The following SMOC1 variants were observed in gnomAD, a reference collection of about 807,000 sequenced individuals.
SMOC1 encodes the protein SPARC related modular calcium binding 1, also known as SPARC-related modular calcium-binding protein 1.
Under a neutral mutation model 56.3 loss-of-function variants are expected in SMOC1, and 22 were observed. The ratio of observed to expected loss-of-function variants is 0.39; its 90% CI spans 0.28 to 0.56. SMOC1 has a LOEUF of 0.56. SMOC1 is among the 20% of genes least tolerant of loss of function. The pLI, the probability that SMOC1 is intolerant of heterozygous loss-of-function variation, is 0.61. For synonymous variants in SMOC1, 193 were observed against 215.0 expected, an observed-to-expected ratio of 0.90 and a Z score of 0.89; for missense variants, 509 against 565.4, an observed-to-expected ratio of 0.90 and a Z score of 1.01.
chr14:70,015,947 AG>A (rs1247754382), intron 10 of SMOC1, among the ~76,000 whole-genome samples: 1 of 152,230 alleles, frequency 6.6e-6, no homozygotes, highest in Non-Finnish European at 1.5e-5. Flanking sequence ...AGGAAAAAAA[AG>A]GAGGTCCGTG....
rs531768521 is a variant in SMOC1 at position 69,879,427 on chromosome 14, C to T, written c.-252C>T. On this transcript the variant is annotated 5_prime_UTR_variant, in exon 1 of 12. Coordinates refer to ENST00000361956, the MANE Select transcript of SMOC1 (RefSeq NM_001034852.3). ...CATGGCCCGGGCTCAGGCGTCCAAC[C>T]TGCTGCCGCCTGGGCCCCGCCGAGC... is the stretch of plus-strand genomic sequence containing the variant. 1.3e-3 allele frequency: 478 copies of T among 378,212 alleles called. 2 individuals are homozygous for T. Among genetic ancestry groups the T allele is most frequent in the Middle Eastern group, 6.9e-3 (10 of 1,450 alleles). The allele number at this position is 378,212 out of a possible 1,614,324, so 23.4% of individuals were successfully genotyped here. A position where few individuals can be genotyped will look rare whatever the true frequency, so the allele number is the denominator to read the frequency against.
At chr14:70,020,784 A>C (rs1188373989) in intron 10 of SMOC1, among the ~76,000 whole-genome samples, 1 of 152,160 alleles carries the variant, frequency 6.6e-6, no homozygotes, top group Non-Finnish European at 1.5e-5. Flanking sequence ...AAAGGCAGGG[A>C]AAGGGGCAGG....
chr14:69,932,344 G>T (rs544983771), intron 1 of SMOC1, among the ~76,000 whole-genome samples: 2 of 152,326 alleles, frequency 1.3e-5, no homozygotes, highest in African/African-American at 4.8e-5. Context: ...TACAGGTGAT[G>T]AGCTTCCTCT....
chr14:70,002,043 A>C (rs768729513), intron 7 of SMOC1, among the ~76,000 whole-genome samples: 1 of 152,118 alleles, frequency 6.6e-6, no homozygotes, highest in East Asian at 1.9e-4. Context: ...GTATTCCCTC[A>C]TCCCCTACCT....
intron 1 of SMOC1, among the ~76,000 whole-genome samples, chr14:69,910,980 G>A (rs1884542054): frequency 6.6e-6 from 1 of 152,158 alleles, no homozygotes; most frequent in Admixed American, 6.5e-5. Flanking sequence ...ACATTGAACT[G>A]TATCCAGACT....
chr14:69,994,495 T>C lies in SMOC1; in HGVS notation c.664+15T>C. The C allele has an allele frequency of 6.3e-7, 1 of 1,592,654 alleles. No individual in the cohort carries two copies. ...AAGAAATTCAGGTAAATAACCTTCC[T>C]TGGATTATATATGTACCCAGTCCAT... On this transcript the variant is annotated intron_variant, in intron 7 of 11. Coordinates refer to ENST00000361956, the MANE Select transcript of SMOC1 (RefSeq NM_001034852.3).
Position 69,943,162 on chromosome 14 carries a change from G to A in SMOC1, c.100-8976G>A, listed in dbSNP as rs563639970. 7.3e-3 allele frequency among the ~76,000 whole-genome samples: 1,113 copies of A among 152,304 alleles called. 6 individuals are homozygous for A. The highest frequency in any genetic ancestry group is 0.012 in the Non-Finnish European group (811 of 68,014). On this transcript the variant is annotated intron_variant, in intron 1 of 11. Coordinates refer to ENST00000361956, the MANE Select transcript of SMOC1 (RefSeq NM_001034852.3). ...GGCTCCAGCTGCCCAACAGCTGGAG[G>A]GGGTGTCTGCTTTCCCTCAGCAGCG...
At chr14:69,949,025 T>G (rs1882897232) in intron 1 of SMOC1, among the ~76,000 whole-genome samples, 1 of 152,222 alleles carries the variant, frequency 6.6e-6, no homozygotes, top group African/African-American at 2.4e-5. Flanking sequence ...CAAAAACTGT[T>G]GACCAAGCAC....
intron 3 of SMOC1, among the ~76,000 whole-genome samples, chr14:69,957,867 T>C (rs963652655): frequency 6.6e-6 from 1 of 152,196 alleles, no homozygotes; most frequent in African/African-American, 2.4e-5. Flanking sequence ...TATTGTGGGC[T>C]GTGTGCTGGT....
At chr14:69,970,364 T>C (rs1001504017) in intron 3 of SMOC1, among the ~76,000 whole-genome samples, 21 of 152,210 alleles carry the variant, frequency 1.4e-4, no homozygotes, top group African/African-American at 5.1e-4. Context: ...GGCCTCAGTT[T>C]CCTCATTTTT....
chr14:69,906,328 C>G (rs1884406706), intron 1 of SMOC1, among the ~76,000 whole-genome samples: 1 of 152,220 alleles, frequency 6.6e-6, no homozygotes, highest in Non-Finnish European at 1.5e-5. Flanking sequence ...CCCTGAGCCA[C>G]TATGTAAGAA....
intron 3 of SMOC1, among the ~76,000 whole-genome samples, chr14:69,968,856 GTTCATGAT>G (rs1388160673): frequency 6.6e-6 from 1 of 152,184 alleles, no homozygotes; most frequent in Non-Finnish European, 1.5e-5. Context: ...ATTGCATATG[GTTCATGAT>G]TTCTATTTTG....
intron 1 of SMOC1, among the ~76,000 whole-genome samples, chr14:69,902,783 G>A (rs34045839): frequency 0.67 from 101,393 of 151,706 alleles, 38,542 homozygotes; most frequent in East Asian, 0.91. Context: ...CGCCTGACTG[G>A]TTTTCGTATT....
chr14:69,893,745 G>A (rs536722148), intron 1 of SMOC1, among the ~76,000 whole-genome samples: 2 of 152,312 alleles, frequency 1.3e-5, no homozygotes, highest in African/African-American at 4.8e-5. Context: ...TAAGACAGGT[G>A]CCATGGGCTG....
intron 1 of SMOC1, among the ~76,000 whole-genome samples, chr14:69,922,959 T>G (rs1263540630): frequency 6.6e-6 from 1 of 151,534 alleles, no homozygotes; most frequent in East Asian, 1.9e-4. Context: ...TGTTTTTTGT[T>G]TTTTAGATGG....
intron 1 of SMOC1, among the ~76,000 whole-genome samples, chr14:69,943,012 G>C (rs902498242): frequency 1.3e-5 from 2 of 152,138 alleles, no homozygotes; most frequent in African/African-American, 4.8e-5. Flanking sequence ...TGCTGGTGGT[G>C]GGGGGCACAG....
intron 3 of SMOC1, among the ~76,000 whole-genome samples, chr14:69,955,570 A>G (rs1883152961): frequency 6.6e-6 from 1 of 152,068 alleles, no homozygotes; most frequent in Non-Finnish European, 1.5e-5. Context: ...CACATGAAAC[A>G]CTTGGAACTC....
intron 1 of SMOC1, among the ~76,000 whole-genome samples, chr14:69,906,995 GA>G (rs1172997690): frequency 5.3e-5 from 8 of 152,174 alleles, no homozygotes; most frequent in Non-Finnish European, 1.0e-4. Flanking sequence ...GATGCAGCAG[GA>G]AAAAATTACT....
chr14:69,921,099 G>A (rs757922569), intron 1 of SMOC1, among the ~76,000 whole-genome samples: 135 of 152,288 alleles, frequency 8.9e-4, no homozygotes, highest in Admixed American at 1.4e-3. Flanking sequence ...CACCTGGGCC[G>A]CGAACCTTCT....
Sources: gnomAD v4.1 joint callset for allele counts (sites outside exome capture counted in the v4.1 genomes callset) on GRCh38, gnomAD v4.1.1 for gene constraint, MANE v1.5 for transcripts, NCBI Gene and HGNC (gene_info 2026-07-23, HGNC 2026-07-21) for gene names.